The following GRID2 variants were observed in gnomAD, a reference collection of about 807,000 sequenced individuals.
The protein encoded by GRID2 is glutamate receptor ionotropic, delta-2.
Under a neutral mutation model 114.8 loss-of-function variants are expected in GRID2, and 33 were observed. That is an observed-to-expected ratio of 0.29 (90% CI 0.22 to 0.38). The LOEUF is 0.38. Ranked by LOEUF, GRID2 falls within the 10% of genes least tolerant of loss-of-function variation. GRID2 has a pLI of 1.00. For synonymous variants in GRID2, 505 were observed against 449.9 expected, an observed-to-expected ratio of 1.12 and a Z score of -1.55; for missense variants, 1,184 against 1,257.7, an observed-to-expected ratio of 0.94 and a Z score of 0.89.
intron 14 of GRID2, among the ~76,000 whole-genome samples, chr4:93,741,174 C>CATATATATAT (rs376106965): frequency 0.027 from 1,098 of 40,858 alleles, 76 homozygotes; most frequent in Middle Eastern, 0.074. Context: ...TATATATATA[C>CATATATATAT]ATATATATAT....
chr4:92,457,047 C>T (rs879654067), intron 1 of GRID2, among the ~76,000 whole-genome samples: 13 of 152,162 alleles, frequency 8.5e-5, no homozygotes, highest in Admixed American at 7.9e-4. Context: ...ACATTCCTTA[C>T]AACTGGCATG....
At chr4:93,414,365 T>C (rs550899637) in intron 9 of GRID2, among the ~76,000 whole-genome samples, 31 of 152,178 alleles carry the variant, frequency 2.0e-4, no homozygotes, top group African/African-American at 6.7e-4. Flanking sequence ...CTTCCTATCT[T>C]AGTCAAAGTA....
intron 2 of GRID2, among the ~76,000 whole-genome samples, chr4:93,079,601 T>C (rs1729668372): frequency 6.6e-6 from 1 of 152,016 alleles, no homozygotes; most frequent in South Asian, 2.1e-4. Context: ...GATTCACTAG[T>C]GGTATGATGG....
At chr4:92,726,446 A>C (rs1736073478) in intron 2 of GRID2, among the ~76,000 whole-genome samples, 1 of 152,114 alleles carries the variant, frequency 6.6e-6, no homozygotes, top group Non-Finnish European at 1.5e-5. Flanking sequence ...AAACTTTGTT[A>C]TGTGGTGCAC....
At chr4:92,750,506 G>A (rs943840106) in intron 2 of GRID2, among the ~76,000 whole-genome samples, 2 of 152,096 alleles carry the variant, frequency 1.3e-5, no homozygotes, top group Non-Finnish European at 2.9e-5. Context: ...AAGAATTTAA[G>A]AGAATGTGTG....
intron 11 of GRID2, among the ~76,000 whole-genome samples, chr4:93,482,015 G>A (rs1434707460): frequency 6.6e-6 from 1 of 151,986 alleles, no homozygotes; most frequent in African/African-American, 2.4e-5. Flanking sequence ...GAATGTCATT[G>A]CATTCAATAG....
chr4:93,391,637 G>GAGC (rs1764862058), intron 8 of GRID2, among the ~76,000 whole-genome samples: 2 of 152,158 alleles, frequency 1.3e-5, no homozygotes, highest in Admixed American at 6.5e-5. Context: ...AATTAAAATC[G>GAGC]AGCAGTTCAG....
intron 14 of GRID2, among the ~76,000 whole-genome samples, chr4:93,634,426 C>T (rs561459073): frequency 3.3e-5 from 5 of 152,238 alleles, no homozygotes; most frequent in Admixed American, 3.3e-4. Context: ...ATGTGATAGA[C>T]TATCAACAGC....
intron 12 of GRID2, among the ~76,000 whole-genome samples, chr4:93,504,597 C>A (rs964105570): frequency 6.6e-6 from 1 of 151,914 alleles, no homozygotes; most frequent in Non-Finnish European, 1.5e-5. Flanking sequence ...ATGGAAAAAA[C>A]AAACTGTATG....
At chr4:93,408,009 C>T (rs945907894) in intron 9 of GRID2, among the ~76,000 whole-genome samples, 1 of 151,974 alleles carries the variant, frequency 6.6e-6, no homozygotes, top group African/African-American at 2.4e-5. Flanking sequence ...AAATAACAAG[C>T]TAGGATGGTG....
At chr4:92,838,060 C>A (rs1427147549) in intron 2 of GRID2, among the ~76,000 whole-genome samples, 3 of 152,038 alleles carry the variant, frequency 2.0e-5, no homozygotes, top group Non-Finnish European at 1.5e-5. Context: ...TGTTCTATTA[C>A]ATTATCGAAA....
intron 3 of GRID2, among the ~76,000 whole-genome samples, chr4:93,095,158 G>A (rs1578972135): frequency 1.3e-5 from 2 of 151,576 alleles, no homozygotes. Context: ...CAAGTTCTGG[G>A]ACACATGTGC....
chr4:93,406,739 G>T (rs748944342), intron 9 of GRID2, among the ~76,000 whole-genome samples: 2 of 152,054 alleles, frequency 1.3e-5, no homozygotes, highest in Non-Finnish European at 2.9e-5. Context: ...TATAAAGTAG[G>T]ATACTCCCAC....
intron 2 of GRID2, among the ~76,000 whole-genome samples, chr4:92,670,564 T>G (rs1733009653): frequency 6.6e-6 from 1 of 152,224 alleles, no homozygotes; most frequent in African/African-American, 2.4e-5. Context: ...TTATGTAAAT[T>G]ATTAATACAT....
intron 8 of GRID2, among the ~76,000 whole-genome samples, chr4:93,242,322 T>TATTG (rs1305812589): frequency 4.8e-5 from 1 of 20,828 alleles, no homozygotes; most frequent in Non-Finnish European, 9.8e-5. Flanking sequence ...CAGGGAGGGC[T>TATTG]ATTGGCTCAC....
At chr4:92,952,269 G>T (rs1752093756) in intron 2 of GRID2, among the ~76,000 whole-genome samples, 1 of 152,014 alleles carries the variant, frequency 6.6e-6, no homozygotes, top group African/African-American at 2.4e-5. Context: ...ATAATTTGTA[G>T]CATCCATACA....
chr4:93,059,671 A>C (rs1727590136), intron 2 of GRID2, among the ~76,000 whole-genome samples: 1 of 152,136 alleles, frequency 6.6e-6, no homozygotes, highest in African/African-American at 2.4e-5. Flanking sequence ...GCCAAATATT[A>C]GTTTAACGTT....
chr4:93,396,155 C>A (rs1001548371), intron 9 of GRID2, among the ~76,000 whole-genome samples: 1 of 151,962 alleles, frequency 6.6e-6, no homozygotes, highest in African/African-American at 2.4e-5. Flanking sequence ...GAATCTTTTT[C>A]TCGTAAGAAC....
intron 2 of GRID2, among the ~76,000 whole-genome samples, chr4:92,869,148 A>G (rs1745099778): frequency 6.6e-6 from 1 of 152,154 alleles, no homozygotes; most frequent in African/African-American, 2.4e-5. Context: ...TTCATCTGAC[A>G]GATTAAAAAC....
Sources: gnomAD v4.1 joint callset for allele counts (sites outside exome capture counted in the v4.1 genomes callset) on GRCh38, gnomAD v4.1.1 for gene constraint, MANE v1.5 for transcripts, NCBI Gene and HGNC (gene_info 2026-07-23, HGNC 2026-07-21) for gene names.